DYNLRB2: variants seen among roughly 807,000 people sequenced by gnomAD.
The protein encoded by DYNLRB2 is dynein light chain roadblock-type 2, also known as bithoraxoid-like protein.
Under a neutral mutation model 12.6 loss-of-function variants are expected in DYNLRB2, and 14 were observed. That is an observed-to-expected ratio of 1.11 (90% confidence interval 0.73 to 1.73). The LOEUF is 1.73. Ranked by LOEUF, DYNLRB2 falls within the 40% of genes most tolerant of loss-of-function variation. The probability of loss-of-function intolerance (pLI) is 0.00; values close to 1 mark genes in which losing one functional copy is unlikely to be tolerated. For missense variants in DYNLRB2, 142 were observed against 117.7 expected (o/e 1.21, Z -0.95); for synonymous variants, 53 against 37.0 (o/e 1.43, Z -1.57).
intron 1 of DYNLRB2, among the ~76,000 whole-genome samples, chr16:80,541,633 G>A (rs1904289615): frequency 1.4e-5 from 2 of 144,038 alleles, no homozygotes; most frequent in Non-Finnish European, 3.0e-5. Context: ...AGCAAAGGGC[G>A]TTAAGAGAAG....
intron 1 of DYNLRB2, 118 bp from the exon 2 acceptor site, chr16:80,543,158 C>A: frequency 2.0e-6 from 2 of 985,414 alleles, no homozygotes; most frequent in Non-Finnish European, 1.5e-6. Flanking sequence ...GAGATTATCA[C>A]ACCTGGCACC....
chr16:80,548,891 T>G (rs982501975), intron 2 of DYNLRB2: 1 of 455,192 alleles, frequency 2.2e-6, no homozygotes, highest in African/African-American at 2.0e-5. Flanking sequence ...GAGTCCCTTT[T>G]GATGTACCCT....
intron 1 of DYNLRB2, among the ~76,000 whole-genome samples, chr16:80,542,741 C>T (rs1362261025): frequency 6.6e-6 from 1 of 152,164 alleles, no homozygotes; most frequent in Non-Finnish European, 1.5e-5. Context: ...ATCCTAGAAT[C>T]CTGGAATACT....
intron 3 of DYNLRB2, among the ~76,000 whole-genome samples, chr16:80,549,991 C>CAGTG (rs1163361663): frequency 1.3e-5 from 2 of 152,176 alleles, no homozygotes; most frequent in Non-Finnish European, 2.9e-5. Context: ...ATAAAGTAGG[C>CAGTG]AGTGAACCCA....
chr16:80,543,335 G>T lies in DYNLRB2; in HGVS notation c.63G>T (p.Met21Ile), dbSNP rs200686705. 2 of 1,613,986 alleles carry T rather than the reference G, an allele frequency of 1.2e-6. No homozygotes were observed. Among genetic ancestry groups the T allele is most frequent in the Non-Finnish European group, 1.7e-6 (2 of 1,179,890 alleles). ...GTCATAAAGGGGTTATTGGAACTAT[G>T]GTTGTAAATGCAGAAGGTAAATATA... ...IQSHKGVIGT[M>I]VVNAEGIPIR... The change falls in exon 2 of 4, where the codon ATG becomes ATT. Residue 21 changes from methionine (M) to isoleucine (I), a missense_variant. Physicochemically the swap from Met to Ile is conservative, Grantham distance 10 (BLOSUM62 1). Transcript: ENST00000305904.
chr16:80,547,637 C>T, intron 2 of DYNLRB2: 12 of 366,330 alleles, frequency 3.3e-5, no homozygotes, highest in South Asian at 8.1e-5. Flanking sequence ...TCTTGTTTTC[C>T]TACTGAGCAT....
At chr16:80,544,542 T>A (rs762200846) in intron 2 of DYNLRB2, among the ~76,000 whole-genome samples, 3 of 152,192 alleles carry the variant, frequency 2.0e-5, no homozygotes, top group Non-Finnish European at 4.4e-5. Context: ...TCTGGTTGCA[T>A]TGATTTTATT....
intron 2 of DYNLRB2, among the ~76,000 whole-genome samples, chr16:80,543,699 G>A (rs7196234): frequency 0.98 from 149,686 of 152,346 alleles, 73,585 homozygotes; most frequent in Middle Eastern, 1. Flanking sequence ...CATTGTTGGT[G>A]GGTTGTTTGC....
chr16:80,543,832 G>A (rs1904313540), intron 2 of DYNLRB2, among the ~76,000 whole-genome samples: 1 of 152,166 alleles, frequency 6.6e-6, no homozygotes, highest in African/African-American at 2.4e-5. Context: ...AGTCTTTGTG[G>A]ATATAGCATA....
chr16:80,547,765 C>T (rs1418624208), intron 2 of DYNLRB2: 2 of 456,548 alleles, frequency 4.4e-6, no homozygotes, highest in East Asian at 7.0e-5. Context: ...AAGATCCACG[C>T]TTTGTGACCT....
At chr16:80,550,225 C>T (rs1342985913) in intron 3 of DYNLRB2, among the ~76,000 whole-genome samples, 3 of 152,180 alleles carry the variant, frequency 2.0e-5, no homozygotes, top group Non-Finnish European at 4.4e-5. Context: ...AAGTTTTTTC[C>T]TACACCAGTG....
chr16:80,540,910 C>A, upstream of DYNLRB2: 1 of 1,275,934 alleles, frequency 7.8e-7, no homozygotes, highest in Non-Finnish European at 1.1e-6. Context: ...CGGGAGGCAT[C>A]AGGAGCGCGG....
intron 2 of DYNLRB2, 47 bp downstream of exon 2, chr16:80,543,398 G>C: frequency 1.9e-6 from 3 of 1,594,778 alleles, no homozygotes; most frequent in Non-Finnish European, 2.6e-6. Context: ...AGCCAACCAG[G>C]AACCTGTTTG....
At chr16:80,549,786 T>C in intron 3 of DYNLRB2, 135 bp downstream of exon 3, 2 of 1,008,392 alleles carry the variant, frequency 2.0e-6, no homozygotes, top group Non-Finnish European at 2.6e-6. Context: ...AAAATGATGT[T>C]TGAATGTAAA....
At chr16:80,542,187 A>G (rs955917122) in intron 1 of DYNLRB2, among the ~76,000 whole-genome samples, 10 of 152,168 alleles carry the variant, frequency 6.6e-5, no homozygotes, top group Non-Finnish European at 8.8e-5. Context: ...AGTTATTTCT[A>G]TTTATGAGGA....
At chr16:80,549,157 T>C (rs530953475) in intron 2 of DYNLRB2, 47 of 377,758 alleles carry the variant, frequency 1.2e-4, no homozygotes, top group African/African-American at 9.2e-4. Context: ...CAATAGGAGA[T>C]TGATTATATG....
chr16:80,541,913 C>G (rs1233372172), intron 1 of DYNLRB2, among the ~76,000 whole-genome samples: 1 of 152,172 alleles, frequency 6.6e-6, no homozygotes, highest in Admixed American at 6.5e-5. Context: ...AAGTCAGATG[C>G]AAACATTCGT....
At position 80,549,491 on chromosome 16, in the gene DYNLRB2, C is replaced by A. The variant is rs780762862; in HGVS notation, c.87C>A (p.Pro29=). ...AATTAAATTTCATAATAGGTATTCCCATCCGAACAACCTTGGACAACTCAA... is the reference window on the plus strand; with the variant it reads ...AATTAAATTTCATAATAGGTATTCCAATCCGAACAACCTTGGACAACTCAA... ...GTMVVNAEGI[P]IRTTLDNSTT... The change falls in exon 3 of 4, where the codon CCC becomes CCA. Residue 29 remains proline, a synonymous_variant. Transcript: ENST00000305904. 1.9e-6 allele frequency: 3 copies of A among 1,594,282 alleles called. No individual in the cohort carries two copies. The South Asian group carries it at 3.4e-5, about 18-fold the overall frequency.
chr16:80,543,075 G>A (rs993827280), intron 1 of DYNLRB2, among the ~76,000 whole-genome samples: 1 of 152,220 alleles, frequency 6.6e-6, no homozygotes, highest in Non-Finnish European at 1.5e-5. Context: ...GATTCATCAG[G>A]ATTGTATCCA....
Sources: gnomAD v4.1 joint callset for allele counts (sites outside exome capture counted in the v4.1 genomes callset) on GRCh38, gnomAD v4.1.1 for gene constraint, MANE v1.5 for transcripts, NCBI Gene and HGNC (gene_info 2026-07-23, HGNC 2026-07-21) for gene names.